Variants in MAGI3 observed in about 807,000 individuals in gnomAD.
MAGI3 encodes the protein membrane-associated guanylate kinase, WW and PDZ domain-containing protein 3.
A neutral mutation model predicts 121.8 loss-of-function variants in MAGI3; 43 were observed. The ratio of observed to expected loss-of-function variants is 0.35; its 90% CI spans 0.28 to 0.46. The LOEUF is 0.46. MAGI3 is among the 20% of genes least tolerant of loss of function. MAGI3 has a pLI of 1.00. For synonymous variants in MAGI3, 553 were observed against 639.3 expected, an observed-to-expected ratio of 0.86 and a Z score of 2.04; for missense variants, 1,547 against 1,797.3, an observed-to-expected ratio of 0.86 and a Z score of 2.52.
chr1:113,670,024 A>G, intron 16 of MAGI3, among the ~76,000 whole-genome samples: 1 of 151,162 alleles, frequency 6.6e-6, no homozygotes, highest in South Asian at 2.1e-4. Flanking sequence ...AAAAAAAAAA[A>G]AGTTCATAGC....
At chr1:113,569,014 ACT>A (rs1289787517) in intron 2 of MAGI3, among the ~76,000 whole-genome samples, 3 of 152,006 alleles carry the variant, frequency 2.0e-5, no homozygotes, top group Non-Finnish European at 4.4e-5. Flanking sequence ...GTGACAAGAT[ACT>A]CTCTGTTCCT....
At chr1:113,526,452 C>T (rs539260283) in intron 1 of MAGI3, among the ~76,000 whole-genome samples, 1 of 152,100 alleles carries the variant, frequency 6.6e-6, no homozygotes, top group East Asian at 1.9e-4. Context: ...ACATCACATC[C>T]CAAGCTCTAC....
chr1:113,680,483 C>A (rs554641034), intron 19 of MAGI3, among the ~76,000 whole-genome samples: 3 of 152,186 alleles, frequency 2.0e-5, no homozygotes, highest in Admixed American at 1.3e-4. Context: ...CAGGGCCGGG[C>A]GCGGTGGCTC....
intron 1 of MAGI3, among the ~76,000 whole-genome samples, chr1:113,527,701 G>T (rs79406605): frequency 0.023 from 3,514 of 152,168 alleles, 131 homozygotes; most frequent in African/African-American, 0.08. Flanking sequence ...AGATGTTGCT[G>T]ATTATTTTCT....
At chr1:113,563,715 C>T (rs552368532) in intron 2 of MAGI3, among the ~76,000 whole-genome samples, 1 of 152,328 alleles carries the variant, frequency 6.6e-6, no homozygotes, top group East Asian at 1.9e-4. Context: ...CTATGGGTTT[C>T]TCGCAAGTCC....
At chr1:113,566,613 A>G (rs1490863897) in intron 2 of MAGI3, among the ~76,000 whole-genome samples, 1 of 152,194 alleles carries the variant, frequency 6.6e-6, no homozygotes, top group Non-Finnish European at 1.5e-5. Context: ...ATCTCTGACC[A>G]TAATGGAATG....
At chr1:113,552,674 A>G (rs115717191) in intron 2 of MAGI3, among the ~76,000 whole-genome samples, 47 of 152,234 alleles carry the variant, frequency 3.1e-4, no homozygotes, top group African/African-American at 1.1e-3. Flanking sequence ...TTTTTATCCT[A>G]GAAGGGAGCT....
chr1:113,674,964 G>T (rs763387772), intron 19 of MAGI3, among the ~76,000 whole-genome samples: 1 of 152,190 alleles, frequency 6.6e-6, no homozygotes, highest in Admixed American at 6.5e-5. Flanking sequence ...GAGCAATGGC[G>T]TAAAACTAAG....
rs568242116 is a variant in MAGI3, at chr1:113,643,809, A to G, written c.1998+35A>G. On this transcript the variant is annotated intron_variant, in intron 11 of 20. Transcript: ENST00000307546. Reference sequence around the variant, plus strand: ...CACTGGTCCTCAAATCTTTTCCCCAACACACTGAGAGAGATGCCACATTCC... The same window carrying G: ...CACTGGTCCTCAAATCTTTTCCCCAGCACACTGAGAGAGATGCCACATTCC... The G allele has an allele frequency of 8.8e-6, 14 of 1,596,508 alleles. No individual in the cohort carries two copies. In the Admixed American group the frequency reaches 1.5e-4, roughly 17 times the overall value.
chr1:113,576,999 G>A (rs1473714378), intron 2 of MAGI3: 1 of 152,202 alleles, frequency 6.6e-6, no homozygotes, highest in African/African-American at 2.4e-5. Context: ...CCATTCATAC[G>A]AGGTTGCAAA....
chr1:113,521,438 T>G, intron 1 of MAGI3, among the ~76,000 whole-genome samples: 1 of 144,338 alleles, frequency 6.9e-6, no homozygotes, highest in Non-Finnish European at 1.5e-5. Flanking sequence ...GATGGGGACT[T>G]GCTCTGTCGC....
intron 10 of MAGI3, 71 bp downstream of exon 10, chr1:113,642,587 C>T: frequency 6.7e-7 from 1 of 1,494,356 alleles, no homozygotes; most frequent in Non-Finnish European, 9.0e-7. Context: ...TCTTTCCTTA[C>T]AGTTTAGAAT....
chr1:113,484,067 T>A (rs543144161), intron 1 of MAGI3, among the ~76,000 whole-genome samples: 20 of 152,304 alleles, frequency 1.3e-4, no homozygotes, highest in African/African-American at 4.8e-4. Flanking sequence ...TTTTCAGATT[T>A]AGAAATAGCA....
At chr1:113,613,566 A>T (rs1241632413) in intron 6 of MAGI3, among the ~76,000 whole-genome samples, 5 of 152,200 alleles carry the variant, frequency 3.3e-5, no homozygotes, top group Non-Finnish European at 7.4e-5. Flanking sequence ...AAGTCTTGTG[A>T]TGCTTTCTAA....
chr1:113,487,360 T>A (rs1352973765), intron 1 of MAGI3, among the ~76,000 whole-genome samples: 1 of 152,192 alleles, frequency 6.6e-6, no homozygotes, highest in Non-Finnish European at 1.5e-5. Flanking sequence ...ATCCAGGGTC[T>A]CTACTATAAT....
intron 1 of MAGI3, among the ~76,000 whole-genome samples, chr1:113,534,183 G>A (rs1003667866): frequency 6.6e-6 from 1 of 152,138 alleles, no homozygotes; most frequent in East Asian, 1.9e-4. Flanking sequence ...TAATTGGTTT[G>A]TGGCTAAATT....
intron 1 of MAGI3, among the ~76,000 whole-genome samples, chr1:113,470,181 T>TC (rs1035307492): frequency 2.0e-5 from 3 of 151,934 alleles, no homozygotes; most frequent in African/African-American, 4.8e-5. Context: ...TTTTTTTTTT[T>TC]CTCTCTTGCT....
intron 1 of MAGI3, among the ~76,000 whole-genome samples, chr1:113,537,139 C>T (rs1371173767): frequency 6.6e-6 from 1 of 152,136 alleles, no homozygotes; most frequent in Non-Finnish European, 1.5e-5. Flanking sequence ...TAGCAGATAG[C>T]CTCTATTTAG....
At chr1:113,578,545 C>T (rs554251523) in intron 2 of MAGI3, among the ~76,000 whole-genome samples, 2 of 152,134 alleles carry the variant, frequency 1.3e-5, no homozygotes, top group South Asian at 2.1e-4. Flanking sequence ...CTCAGCCTCA[C>T]GAGTGGCTAG....
Sources: allele counts gnomAD v4.1 joint callset (sites outside exome capture counted in the v4.1 genomes callset), GRCh38; gene constraint gnomAD v4.1.1; transcripts MANE v1.5; gene names NCBI Gene and HGNC (gene_info 2026-07-23, HGNC 2026-07-21).